INPP5A: variants seen among roughly 807,000 people sequenced by gnomAD.
INPP5A encodes inositol polyphosphate-5-phosphatase A, also known as 43 kDa inositol polyphosphate 5-phophatase.
In INPP5A, 14 loss-of-function variants were observed where a neutral mutation model predicts 65.2. The observed-to-expected ratio is 0.21, with a 90% CI of 0.14 to 0.34. INPP5A has a LOEUF of 0.34. INPP5A is among the 10% of genes least tolerant of loss of function. INPP5A has a pLI of 1.00. For synonymous variants in INPP5A, 207 were observed against 208.3 expected, an observed-to-expected ratio of 0.99 and a Z score of 0.05; for missense variants, 431 against 545.6, an observed-to-expected ratio of 0.79 and a Z score of 2.09.
intron 4 of INPP5A, among the ~76,000 whole-genome samples, chr10:132,664,462 T>C (rs972366672): frequency 2.6e-5 from 4 of 152,216 alleles, no homozygotes; most frequent in African/African-American, 7.2e-5. Context: ...CCTGACCTGC[T>C]CTTGAGGCTT....
At chr10:132,554,991 G>A (rs1590825259) in intron 1 of INPP5A, among the ~76,000 whole-genome samples, 2 of 150,692 alleles carry the variant, frequency 1.3e-5, no homozygotes, top group East Asian at 2.0e-4. Context: ...GATGTGGGTA[G>A]CGTGGTTGGT....
Position 132,630,205 on chromosome 10 carries a change from G to A in INPP5A, c.118-15663G>A, listed in dbSNP as rs2072245871. On this transcript the variant is annotated intron_variant, in intron 2 of 15. Transcript: ENST00000368594. ...GAGGGTAAGGTGTCCATGAGGGGAAGGCGTCCATGAGGGAAAGCTGTCCAT... is the reference window on the plus strand; with the variant it reads ...GAGGGTAAGGTGTCCATGAGGGGAAAGCGTCCATGAGGGAAAGCTGTCCAT... Among the ~76,000 whole-genome samples, 4 of 152,190 alleles carry A rather than the reference G, an allele frequency of 2.6e-5. No homozygotes were observed. The South Asian group carries it at 8.3e-4, about 32-fold the overall frequency.
rs58028071 is a variant in INPP5A at position 132,654,806 on chromosome 10, T to C, written c.306+4301T>C. Among the ~76,000 whole-genome samples the C allele has an allele frequency of 2.8e-3, 432 of 152,342 alleles. 2 individuals carry two copies. Among genetic ancestry groups the C allele is most frequent in the African/African-American group, 9.9e-3 (413 of 41,578 alleles). On this transcript the variant is annotated intron_variant, in intron 4 of 15. Coordinates refer to ENST00000368594, the MANE Select transcript of INPP5A (RefSeq NM_005539.5). The stretch of plus-strand genomic sequence containing the variant: ...ATAGTGGCCTGTTCCCAGAAGGCGA[T>C]TGAACCTGAAGCTGCGCCTGGCGCG...
At chr10:132,636,388 G>A (rs1049464640) in intron 2 of INPP5A, among the ~76,000 whole-genome samples, 2 of 152,212 alleles carry the variant, frequency 1.3e-5, no homozygotes, top group African/African-American at 4.8e-5. Flanking sequence ...GATTCGAGTG[G>A]TGGTTACACT....
chr10:132,697,705 G>A lies in INPP5A; in HGVS notation c.371-111G>A, dbSNP rs1388110249. 6.9e-6 allele frequency: 5 copies of A among 729,846 alleles called. No homozygotes were observed. Among genetic ancestry groups the A allele is most frequent in the Non-Finnish European group, 1.2e-5 (5 of 418,446 alleles). The allele number at this position is 729,846 out of a possible 1,614,324, so 45.2% of individuals were successfully genotyped here. ...CCTCATCAGGGCCTCCTCTCGGGGG[G>A]CCTCTCTGGCTCCCATCGGGCTGAA... On this transcript the variant is annotated intron_variant, in intron 5 of 15. Coordinates refer to ENST00000368594, the MANE Select transcript of INPP5A (RefSeq NM_005539.5). The surrounding 1 kb of genome is among the most constrained non-coding windows in gnomAD (Gnocchi z 5.6).
At chr10:132,558,058 A>G (rs979128580) in intron 1 of INPP5A, among the ~76,000 whole-genome samples, 3 of 152,354 alleles carry the variant, frequency 2.0e-5, no homozygotes, top group Middle Eastern at 3.4e-3. Flanking sequence ...AAATTGCTGT[A>G]GAACCTAAAC....
intron 13 of INPP5A, among the ~76,000 whole-genome samples, chr10:132,778,528 G>A (rs562248706): frequency 2.4e-4 from 36 of 152,114 alleles, no homozygotes; most frequent in African/African-American, 8.0e-4. Context: ...ATCAATATCT[G>A]AATTGGTTTT....
In INPP5A at chr10:132,688,674, T is replaced by C. The variant is rs113667898; in HGVS notation, c.307-1718T>C. ...GTGTGCAAGTGAGTGTGAACAAGTG[T>C]GTGCGTGTGCATGAGTGCATGTGTG... On this transcript the variant is annotated intron_variant, in intron 4 of 15. Transcript: ENST00000368594. Among the ~76,000 whole-genome samples the C allele has an allele frequency of 4.0e-3, 601 of 151,004 alleles. 3 individuals carry two copies. Among genetic ancestry groups the C allele is most frequent in the African/African-American group, 0.014 (579 of 40,984 alleles).
chr10:132,683,150 T>C (rs1228361870), intron 4 of INPP5A, among the ~76,000 whole-genome samples: 1 of 148,908 alleles, frequency 6.7e-6, no homozygotes, highest in South Asian at 2.1e-4. Flanking sequence ...CAAGGCCATG[T>C]GTTGTATTAT....
chr10:132,779,847 C>T (rs1022539131), intron 13 of INPP5A, among the ~76,000 whole-genome samples: 4 of 152,192 alleles, frequency 2.6e-5, no homozygotes, highest in Non-Finnish European at 2.9e-5. Flanking sequence ...GGGACGCGGG[C>T]GGTGCTGCTT....
At chr10:132,652,456 C>G (rs1384269629) in intron 4 of INPP5A, among the ~76,000 whole-genome samples, 1 of 152,190 alleles carries the variant, frequency 6.6e-6, no homozygotes, top group Non-Finnish European at 1.5e-5. Flanking sequence ...ACAGAAAGAT[C>G]CAAATACTGC....
At chr10:132,720,764 C>T (rs573691929) in intron 8 of INPP5A, among the ~76,000 whole-genome samples, 4 of 124,034 alleles carry the variant, frequency 3.2e-5, no homozygotes, top group East Asian at 2.6e-4. Context: ...GGCTGTCTTG[C>T]GGGTTCTGTG....
intron 6 of INPP5A, among the ~76,000 whole-genome samples, chr10:132,700,413 C>T (rs1425423149): frequency 3.3e-5 from 5 of 152,346 alleles, no homozygotes; most frequent in East Asian, 1.9e-4. Context: ...GAAATCCTCC[C>T]GGGACCCGTG....
At chr10:132,774,470 C>CA (rs1847009795) in intron 12 of INPP5A, among the ~76,000 whole-genome samples, 1 of 152,178 alleles carries the variant, frequency 6.6e-6, no homozygotes, top group South Asian at 2.1e-4. Context: ...GAGCACAGCT[C>CA]GGGGAGTTGG....
chr10:132,593,055 A>G (rs569513605), intron 1 of INPP5A, among the ~76,000 whole-genome samples: 6 of 152,180 alleles, frequency 3.9e-5, no homozygotes, highest in African/African-American at 7.2e-5. Flanking sequence ...GCCAGAGCCT[A>G]TCGGGGAGAG....
At position 132,698,788 on chromosome 10, in the gene INPP5A, CAAG is replaced by C. The variant is rs936531696; in HGVS notation, c.474+873_474+875del. ...CCGGACTTGTCTGCGCAGGCAGCCCCAAGAAGGATTGCTCTGCGGTCCTGTCTC... is the reference window on the plus strand; with the variant it reads ...CCGGACTTGTCTGCGCAGGCAGCCCCAAGGATTGCTCTGCGGTCCTGTCTC... On this transcript the variant is annotated intron_variant, in intron 6 of 15. Transcript: ENST00000368594. This position sits in a 1 kb window ranked among gnomAD's most constrained non-coding sequence, Gnocchi z 5.5. Among the ~76,000 whole-genome samples the C allele has an allele frequency of 7.2e-5, 11 of 152,336 alleles. No individual in the cohort carries two copies. The highest frequency in any genetic ancestry group is 2.2e-4 in the African/African-American group (9 of 41,574).
chr10:132,765,601 G>A (rs1457720240), intron 11 of INPP5A, among the ~76,000 whole-genome samples, 172 bp from the exon 12 acceptor site: 3 of 152,238 alleles, frequency 2.0e-5, no homozygotes, highest in Non-Finnish European at 4.4e-5. Flanking sequence ...AGCAGAGGCA[G>A]GCGAACACCA....
chr10:132,566,837 A>C (rs1266431489), intron 1 of INPP5A, among the ~76,000 whole-genome samples: 3 of 152,244 alleles, frequency 2.0e-5, no homozygotes, highest in Non-Finnish European at 2.9e-5. Context: ...TGAAATTAAC[A>C]ATTTAACAAG....
intron 1 of INPP5A, among the ~76,000 whole-genome samples, chr10:132,607,411 C>T (rs2071871520): frequency 6.6e-6 from 1 of 152,238 alleles, no homozygotes; most frequent in Non-Finnish European, 1.5e-5. Flanking sequence ...TCTATAAAAG[C>T]CCCTTGCTCT....
Sources: allele counts gnomAD v4.1 joint callset (sites outside exome capture counted in the v4.1 genomes callset), GRCh38; gene constraint gnomAD v4.1.1; non-coding constraint Gnocchi (gnomAD v3.1); transcripts MANE v1.5; gene names NCBI Gene and HGNC (gene_info 2026-07-23, HGNC 2026-07-21).